The following ARMC9 variants were observed in gnomAD, a reference collection of about 807,000 sequenced individuals.
ARMC9 encodes lisH domain-containing protein ARMC9.
In ARMC9, 94 loss-of-function variants were observed where a neutral mutation model predicts 107.0. The ratio of observed to expected loss-of-function variants is 0.88; its 90% CI spans 0.74 to 1.04. The LOEUF (loss-of-function observed/expected upper bound fraction) is 1.04, where lower values mean the gene tolerates loss of function less well. ARMC9 is among the 50% of genes least tolerant of loss of function. ARMC9 has a pLI of 0.00. For missense variants in ARMC9, 942 were observed against 1,030.1 expected, an observed-to-expected ratio of 0.91 and a Z score of 1.17; for synonymous variants, 380 against 396.9, an observed-to-expected ratio of 0.96 and a Z score of 0.51.
intron 17 of ARMC9, among the ~76,000 whole-genome samples, chr2:231,284,561 A>G (rs1332867339): frequency 6.6e-6 from 1 of 152,208 alleles, no homozygotes; most frequent in South Asian, 2.1e-4. Context: ...GGGCCTCTCC[A>G]TAAGGCTTCT....
intron 19 of ARMC9, among the ~76,000 whole-genome samples, chr2:231,330,970 G>A (rs1669079): frequency 0.018 from 2,730 of 152,010 alleles, 40 homozygotes; most frequent in South Asian, 0.048. Flanking sequence ...GCAAAACCTC[G>A]TCTATACAAA....
intron 10 of ARMC9, 47 bp downstream of exon 10, chr2:231,256,667 G>A (rs768579908): frequency 6.3e-7 from 1 of 1,584,906 alleles, no homozygotes; most frequent in Admixed American, 1.7e-5. Context: ...ACAGCAATGT[G>A]TAAAACGGGA....
In ARMC9 at chr2:231,358,836, A is replaced by C. The variant is rs1420079603; in HGVS notation, c.2132-1918A>C. Among the ~76,000 whole-genome samples, 1 of 152,212 alleles carries C rather than the reference A, an allele frequency of 6.6e-6. No individual in the cohort carries two copies. The highest frequency in any genetic ancestry group is 2.4e-5 in the African/African-American group (1 of 41,448). On this transcript the variant is annotated intron_variant, in intron 22 of 24. Transcript: ENST00000611582. The surrounding 1 kb of genome is among the most constrained non-coding windows in gnomAD (Gnocchi z 4.5). ...TAGTTCCCAAGGGAAAAGGCCAATA[A>C]TATGGCTTAGCATTTTGCAGAACGT...
chr2:231,331,706 T>C, intron 19 of ARMC9, 87 bp from the exon 20 acceptor site: 1 of 1,196,784 alleles, frequency 8.4e-7, no homozygotes, highest in South Asian at 1.3e-5. Context: ...CCTTCTTGTT[T>C]CATGACAGCT....
chr2:231,259,521 T>C (rs1334099175), intron 11 of ARMC9, among the ~76,000 whole-genome samples: 14 of 152,230 alleles, frequency 9.2e-5, no homozygotes, highest in Non-Finnish European at 1.8e-4. Context: ...GAAAGTGTCC[T>C]GGTCCCCATC....
At chr2:231,228,570 C>G (rs932120512) in intron 7 of ARMC9, among the ~76,000 whole-genome samples, 3 of 152,206 alleles carry the variant, frequency 2.0e-5, no homozygotes, top group African/African-American at 7.2e-5. Context: ...TTTTTCTAAC[C>G]TAGCCTCTGA....
chr2:231,321,072 G>T (rs545290119), intron 19 of ARMC9, among the ~76,000 whole-genome samples: 3 of 152,210 alleles, frequency 2.0e-5, no homozygotes, highest in Non-Finnish European at 2.9e-5. Flanking sequence ...AAGCCTCAGT[G>T]TTCTCATCTG....
Position 231,296,230 on chromosome 2 carries a change from G to A in ARMC9, c.1750G>A (p.Asp584Asn), listed in dbSNP as rs768449628. Reference sequence around the variant, plus strand: ...ACCAGATGGTGTTCTTGAATCTGATGATGATGAAGATGAAGATGATGAAGT... The same window carrying A: ...ACCAGATGGTGTTCTTGAATCTGATAATGATGAAGATGAAGATGATGAAGT... ...ELPDGVLESD[D>N]DEDEDDEEDH... Residue 584 changes from aspartate to asparagine, a missense_variant, in exon 19 of 25, where the codon GAT becomes AAT. Coordinates refer to ENST00000611582, the MANE Select transcript of ARMC9 (RefSeq NM_001352754.2). The A allele has an allele frequency of 2.5e-6, 4 of 1,613,564 alleles. No homozygotes were observed. The highest frequency in any genetic ancestry group is 2.5e-6 in the Non-Finnish European group (3 of 1,179,678).
At chr2:231,342,353 G>A (rs569626952) in intron 20 of ARMC9, among the ~76,000 whole-genome samples, 1 of 152,362 alleles carries the variant, frequency 6.6e-6, no homozygotes, top group South Asian at 2.1e-4. Context: ...AGTTTAAGGA[G>A]ATGAAATAAC....
intron 20 of ARMC9, among the ~76,000 whole-genome samples, chr2:231,339,592 G>T (rs539317103): frequency 6.6e-6 from 1 of 152,214 alleles, no homozygotes; most frequent in East Asian, 1.9e-4. Context: ...GTAAGCCACT[G>T]TGCATGACCC....
At chr2:231,201,008 A>C (rs576603037) in intron 1 of ARMC9, among the ~76,000 whole-genome samples, 1 of 152,178 alleles carries the variant, frequency 6.6e-6, no homozygotes. Context: ...AGCTTGTTGC[A>C]TGGGGGAATG....
At position 231,355,786 on chromosome 2, in the gene ARMC9, G is replaced by A; in HGVS notation, c.1995-12G>A. ...GGCTGTACTCACTGCCGTTTTTCAT[G>A]TTTTTCTCCAGGGTGGAAGACCAAC... On this transcript the variant is annotated splice_polypyrimidine_tract_variant and intron_variant, in intron 21 of 24. Transcript: ENST00000611582. The A allele has an allele frequency of 1.3e-6, 2 of 1,523,788 alleles. No homozygotes were observed. The highest frequency in any genetic ancestry group is 1.8e-6 in the Non-Finnish European group (2 of 1,137,800). 94.4% of individuals were successfully genotyped at this position (1,523,788 alleles called of 1,614,324 possible).
chr2:231,326,013 C>G (rs757051249), intron 19 of ARMC9, among the ~76,000 whole-genome samples: 2 of 152,102 alleles, frequency 1.3e-5, no homozygotes, highest in Admixed American at 1.3e-4. Flanking sequence ...GAGAGAGGGA[C>G]GAGACCCTGA....
chr2:231,318,778 G>A (rs1442385269), intron 19 of ARMC9, among the ~76,000 whole-genome samples: 2 of 152,212 alleles, frequency 1.3e-5, no homozygotes, highest in Non-Finnish European at 2.9e-5. Context: ...CTTGATAACT[G>A]TAGAGAGGAA....
chr2:231,215,525 C>T (rs1300819668), intron 4 of ARMC9, among the ~76,000 whole-genome samples: 1 of 152,146 alleles, frequency 6.6e-6, no homozygotes, highest in African/African-American at 2.4e-5. Flanking sequence ...GAAAAGAGTA[C>T]GTCTCTTTGT....
At chr2:231,221,344 C>A (rs1247528524) in intron 5 of ARMC9, among the ~76,000 whole-genome samples, 1 of 152,170 alleles carries the variant, frequency 6.6e-6, no homozygotes, top group Non-Finnish European at 1.5e-5. Flanking sequence ...ACACCCTACT[C>A]CAGTGTGACC....
At chr2:231,304,191 C>T (rs1266917637) in intron 19 of ARMC9, among the ~76,000 whole-genome samples, 1 of 152,154 alleles carries the variant, frequency 6.6e-6, no homozygotes, top group African/African-American at 2.4e-5. Flanking sequence ...GATCGCGCCA[C>T]TGCACTCCAG....
chr2:231,281,677 AAG>A (rs1451877184), intron 16 of ARMC9, among the ~76,000 whole-genome samples: 6 of 152,190 alleles, frequency 3.9e-5, no homozygotes, highest in African/African-American at 9.7e-5. Flanking sequence ...GATATGGAAA[AAG>A]AGGGGTTCCT....
chr2:231,353,993 A>C, intron 21 of ARMC9, among the ~76,000 whole-genome samples: 1 of 117,098 alleles, frequency 8.5e-6, no homozygotes, highest in East Asian at 2.0e-4. Flanking sequence ...ACACACACAC[A>C]CACACACACA....
Sources: gnomAD v4.1 joint callset for allele counts (sites outside exome capture counted in the v4.1 genomes callset) on GRCh38, gnomAD v4.1.1 for gene constraint, Gnocchi (gnomAD v3.1) non-coding constraint, MANE v1.5 for transcripts, NCBI Gene and HGNC (gene_info 2026-07-23, HGNC 2026-07-21) for gene names.